The following NLRP1 variants were observed in gnomAD, a reference collection of about 807,000 sequenced individuals.
The protein encoded by NLRP1 is NLR family pyrin domain containing 1, also known as NACHT, LRR and PYD domains-containing protein 1.
NLRP1 carries 94 observed loss-of-function variants against 136.7 expected under a neutral mutation model. That is an observed-to-expected ratio of 0.69 (90% CI 0.58 to 0.82). The LOEUF is 0.82. NLRP1 is among the 40% of genes least tolerant of loss of function. NLRP1 has a pLI of 0.00. For synonymous variants in NLRP1, 690 were observed against 725.1 expected, an observed-to-expected ratio of 0.95 and a Z score of 0.78; for missense variants, 1,575 against 1,802.7, an observed-to-expected ratio of 0.87 and a Z score of 2.29.
At chr17:5,577,004 A>G (rs1905093697) in intron 3 of NLRP1, among the ~76,000 whole-genome samples, 1 of 152,216 alleles carries the variant, frequency 6.6e-6, no homozygotes, top group Non-Finnish European at 1.5e-5. Context: ...ACAACCAAAG[A>G]CAAAAACCAC....
chr17:5,582,151 G>A, intron 2 of NLRP1, 89 bp from the exon 3 acceptor site: 1 of 1,014,890 alleles, frequency 9.9e-7, no homozygotes, highest in South Asian at 1.4e-5. Context: ...ACAGTCCTGA[G>A]AGATGGGTCT....
Position 5,559,498 on chromosome 17 carries a change from A to G in NLRP1, c.1198T>C (p.Ser400Pro), listed in dbSNP as rs1914484837. 1 of 1,614,198 alleles carries G rather than the reference A, an allele frequency of 6.2e-7. No individual in the cohort carries two copies. The highest frequency in any genetic ancestry group is 8.5e-7 in the Non-Finnish European group (1 of 1,180,036). Residue 400 changes from serine to proline, a missense_variant, in exon 4 of 17, where the codon TCT (serine) becomes CCT (proline). Physicochemically the swap from Ser to Pro is moderately conservative, Grantham distance 74. Transcript: ENST00000572272. ...ATGAAGAGCAGCCGCTCTGGCCTAG[A>G]CAGGATCTGTCTAATGGGAGCCGGA... ...ATPAPIRQIL[S>P]RPERLLFILD... is the part of the protein sequence containing the mutation.
intron 10 of NLRP1, 58 bp downstream of exon 10, chr17:5,533,246 C>T (rs35291181): frequency 0.047 from 72,668 of 1,550,134 alleles, 1,919 homozygotes; most frequent in Middle Eastern, 0.08. Context: ...CCCAGGTGGG[C>T]AGGTTGAGAG....
In NLRP1 at chr17:5,559,713, C is replaced by T. The variant is rs202119862; in HGVS notation, c.983G>A (p.Arg328His). 20 of 1,614,118 alleles carry T rather than the reference C, an allele frequency of 1.2e-5. No individual in the cohort carries two copies. Among genetic ancestry groups the T allele is most frequent in the African/African-American group, 1.3e-5 (1 of 74,930 alleles). Residue 328 changes from arginine (R) to histidine (H), a missense_variant, in exon 4 of 17, where the codon CGC becomes CAC. By Grantham distance (29) the Arg-to-His change is conservative. Coordinates refer to ENST00000572272, the MANE Select transcript of NLRP1 (RefSeq NM_033004.4). Reference sequence around the variant, plus strand: ...AGCAGCCCCCTGCAGTATGACTATGCGAGGTTCTTGGGTATCCAGGCCTGG... The same window carrying T: ...AGCAGCCCCCTGCAGTATGACTATGTGAGGTTCTTGGGTATCCAGGCCTGG... ...FGPGLDTQEPRIVILQGAAGI... is the reference protein window; with the variant it reads ...FGPGLDTQEPHIVILQGAAGI...
At chr17:5,509,324 G>C (rs1206212376), downstream of NLRP1, among the ~76,000 whole-genome samples, 3 of 152,188 alleles carry the variant, frequency 2.0e-5, no homozygotes, top group Non-Finnish European at 2.9e-5. Flanking sequence ...AGGTTCCAGA[G>C]GACCTTCTTC....
intron 3 of NLRP1, 77 bp downstream of exon 3, chr17:5,581,781 TG>T: frequency 8.2e-7 from 1 of 1,213,502 alleles, no homozygotes; most frequent in Non-Finnish European, 1.2e-6. Flanking sequence ...CCTGCCAACC[TG>T]GTCCCCAGGG....
chr17:5,583,834 G>T lies in NLRP1; in HGVS notation c.124C>A (p.Pro42Thr), dbSNP rs200014469. 36 of 1,566,950 alleles carry T rather than the reference G, an allele frequency of 2.3e-5. No individual in the cohort carries two copies. Among genetic ancestry groups the T allele is most frequent in the Non-Finnish European group, 3.1e-5 (36 of 1,154,340 alleles). ...CCACTCGTCTTCTCTGGCTGAGCGG[G>T]TGTCTCACCCGAAGAGCTCCTGGAG... is the stretch of plus-strand genomic sequence containing the variant. ...AHSRSSSGET[P>T]AQPEKTSGME... Residue 42 changes from proline to threonine, a missense_variant, in exon 1 of 17, where the codon CCC becomes ACC. By Grantham distance (38) the Pro-to-Thr change is conservative (BLOSUM62 -1). Transcript: ENST00000572272. The surrounding 1 kb of genome is among the most constrained non-coding windows in gnomAD (Gnocchi z 4.5).
chr17:5,567,911 T>C (rs540408180), intron 3 of NLRP1, among the ~76,000 whole-genome samples: 3 of 152,324 alleles, frequency 2.0e-5, no homozygotes, highest in East Asian at 1.9e-4. Flanking sequence ...AAGGTTTCCA[T>C]GAAAAGTCTG....
chr17:5,580,692 T>A (rs893168581), intron 3 of NLRP1, among the ~76,000 whole-genome samples: 1 of 152,248 alleles, frequency 6.6e-6, no homozygotes, highest in Non-Finnish European at 1.5e-5. Context: ...TAGATGGCTC[T>A]GATATGTCTT....
At chr17:5,568,337 A>T (rs1007229177) in intron 3 of NLRP1, among the ~76,000 whole-genome samples, 2 of 152,092 alleles carry the variant, frequency 1.3e-5, no homozygotes, top group African/African-American at 4.8e-5. Flanking sequence ...CCATTCTGCT[A>T]TGAAAGGACT....
At chr17:5,540,487 A>G (rs981319325) in intron 6 of NLRP1, among the ~76,000 whole-genome samples, 1 of 152,098 alleles carries the variant, frequency 6.6e-6, no homozygotes, top group African/African-American at 2.4e-5. Flanking sequence ...CTGCAGTCCA[A>G]GCTTGTAAAT....
At chr17:5,575,009 T>C (rs1260628457) in intron 3 of NLRP1, among the ~76,000 whole-genome samples, 1 of 152,142 alleles carries the variant, frequency 6.6e-6, no homozygotes, top group Non-Finnish European at 1.5e-5. Flanking sequence ...CAGAATTTCA[T>C]ATCCAGCCAA....
rs202122237 is a variant in NLRP1 at position 5,581,875 on chromosome 17, T to G, written c.636A>C (p.Ser212=). The stretch of plus-strand genomic sequence containing the variant: ...GGGTCTCACCTGTGTAGTAAATTCC[T>G]GACGTTTCATCCAGAGGCCATTGGG... ...PGTQWPLDET[S]GIYYTEIRER... is the part of the protein sequence containing the mutation. The change falls in exon 3 of 17, where the codon TCA becomes TCC. Residue 212 remains serine (S), a synonymous_variant. Transcript: ENST00000572272. 1.5e-4 allele frequency: 248 copies of G among 1,612,524 alleles called. No individual in the cohort carries two copies. In the South Asian group the frequency reaches 2.6e-3, roughly 17 times the overall value.
intron 12 of NLRP1, among the ~76,000 whole-genome samples, chr17:5,523,466 T>C (rs567736663): frequency 6.6e-6 from 1 of 152,226 alleles, no homozygotes; most frequent in Admixed American, 6.5e-5. Flanking sequence ...GTCACTATCT[T>C]CCCCCCCGCT....
rs1382460696 is a variant in NLRP1, at chr17:5,583,593, G to T, written c.271+94C>A. ...ATGTCACTGCTCAGAGGAAGGCCTG[G>T]CAGGGAGGGCTCAGTGGTGGGGTCC... On this transcript the variant is annotated intron_variant, in intron 1 of 16. Coordinates refer to ENST00000572272, the MANE Select transcript of NLRP1 (RefSeq NM_033004.4). The surrounding 1 kb of genome is among the most constrained non-coding windows in gnomAD (Gnocchi z 4.5). 10 of 1,291,216 alleles carry T rather than the reference G, an allele frequency of 7.7e-6. No individual in the cohort carries two copies. Among genetic ancestry groups the T allele is most frequent in the Non-Finnish European group, 9.5e-6 (9 of 945,552 alleles). The allele number at this position is 1,291,216 out of a possible 1,614,324, so 80.0% of individuals were successfully genotyped here.
At chr17:5,581,334 T>G (rs1905617955) in intron 3 of NLRP1, among the ~76,000 whole-genome samples, 1 of 152,264 alleles carries the variant, frequency 6.6e-6, no homozygotes, top group Non-Finnish European at 1.5e-5. Flanking sequence ...TAGTACTAAC[T>G]GTGAGACTAT....
chr17:5,508,841 A>G (rs1370606129), intron 15 of NLRP1, among the ~76,000 whole-genome samples: 6 of 152,198 alleles, frequency 3.9e-5, no homozygotes, highest in African/African-American at 1.2e-4. Flanking sequence ...GGAAAGACAG[A>G]ATTTTTGTAT....
At chr17:5,577,742 A>T (rs1351899249) in intron 3 of NLRP1, among the ~76,000 whole-genome samples, 1 of 152,266 alleles carries the variant, frequency 6.6e-6, no homozygotes, top group Admixed American at 6.5e-5. Flanking sequence ...CTTTCTTCAC[A>T]GAATTGGAAA....
At chr17:5,509,410 A>T (rs142226484), downstream of NLRP1, among the ~76,000 whole-genome samples, 1 of 152,286 alleles carries the variant, frequency 6.6e-6, no homozygotes, top group African/African-American at 2.4e-5. Context: ...TTAAATCTGT[A>T]GTTATCCCAC....
Sources: allele counts gnomAD v4.1 joint callset (sites outside exome capture counted in the v4.1 genomes callset), GRCh38; gene constraint gnomAD v4.1.1; non-coding constraint Gnocchi (gnomAD v3.1); transcripts MANE v1.5; gene names NCBI Gene and HGNC (gene_info 2026-07-23, HGNC 2026-07-21).